ZRANB3: variants seen among roughly 807,000 people sequenced by gnomAD.
ZRANB3 encodes DNA annealing helicase and endonuclease ZRANB3.
ZRANB3 carries 125 observed loss-of-function variants against 133.8 expected under a neutral mutation model. The observed-to-expected ratio is 0.93, with a 90% CI of 0.81 to 1.08. ZRANB3 has a LOEUF of 1.08. ZRANB3 is among the 50% of genes least tolerant of loss of function. The probability of loss-of-function intolerance (pLI) is 0.00; values close to 1 mark genes in which losing one functional copy is unlikely to be tolerated. For synonymous variants in ZRANB3, 387 were observed against 432.7 expected, an observed-to-expected ratio of 0.89 and a Z score of 1.31; for missense variants, 1,229 against 1,275.5, an observed-to-expected ratio of 0.96 and a Z score of 0.56.
At chr2:135,380,390 T>C (rs1364686739) in intron 3 of ZRANB3, among the ~76,000 whole-genome samples, 3 of 152,164 alleles carry the variant, frequency 2.0e-5, no homozygotes, top group African/African-American at 7.2e-5. Flanking sequence ...GCACTTATTC[T>C]AAAATTGACT....
chr2:135,465,714 C>T lies in ZRANB3; in HGVS notation c.161+38615G>A, dbSNP rs377007376. ...GCTTCTGCACAGCGAAAGAAACTAT[C>T]AGCAGAGTGAACAGGCAACCTACAG... On this transcript the variant is annotated intron_variant, in intron 2 of 20. Coordinates refer to ENST00000264159, the MANE Select transcript of ZRANB3 (RefSeq NM_032143.4). Among the ~76,000 whole-genome samples the T allele has an allele frequency of 2.0e-4, 30 of 152,332 alleles. No homozygotes were observed. The East Asian group carries it at 4.6e-3, about 23-fold the overall frequency.
chr2:135,504,945 A>T (rs1356339523), intron 1 of ZRANB3, among the ~76,000 whole-genome samples: 1 of 152,132 alleles, frequency 6.6e-6, no homozygotes, highest in Non-Finnish European at 1.5e-5. Flanking sequence ...ACATTTAAAA[A>T]AATTATAAAA....
intron 12 of ZRANB3, among the ~76,000 whole-genome samples, chr2:135,239,762 G>A (rs1031358113): frequency 1.3e-5 from 2 of 152,116 alleles, no homozygotes; most frequent in African/African-American, 2.4e-5. Context: ...GCTGAGGCGG[G>A]TGGATCACGA....
intron 2 of ZRANB3, among the ~76,000 whole-genome samples, chr2:135,475,997 G>A (rs776497431): frequency 1.3e-5 from 2 of 152,134 alleles, no homozygotes; most frequent in African/African-American, 2.4e-5. Flanking sequence ...AGAATCGTTT[G>A]AACCCGGGAG....
At chr2:135,350,850 C>A (rs1026719636) in intron 4 of ZRANB3, among the ~76,000 whole-genome samples, 10 of 152,294 alleles carry the variant, frequency 6.6e-5, no homozygotes, top group Admixed American at 6.5e-4. Flanking sequence ...ACATCAAGAA[C>A]CATTAAGCTA....
intron 6 of ZRANB3, among the ~76,000 whole-genome samples, chr2:135,337,284 T>C (rs1434603860): frequency 6.6e-6 from 1 of 152,228 alleles, no homozygotes; most frequent in Non-Finnish European, 1.5e-5. Context: ...TTCTTCAGCA[T>C]GCTTGGCACA....
intron 1 of ZRANB3, among the ~76,000 whole-genome samples, chr2:135,515,802 T>C (rs1281954375): frequency 6.6e-6 from 1 of 152,222 alleles, no homozygotes; most frequent in Non-Finnish European, 1.5e-5. Flanking sequence ...TAGGTCTGCT[T>C]GGTCCTGAGC....
chr2:135,393,750 T>C (rs1687350383), intron 2 of ZRANB3, among the ~76,000 whole-genome samples: 1 of 152,150 alleles, frequency 6.6e-6, no homozygotes, highest in East Asian at 1.9e-4. Flanking sequence ...GAAAGAACAA[T>C]TATCCATAAA....
At chr2:135,454,405 ACTCT>A (rs1191432017) in intron 2 of ZRANB3, among the ~76,000 whole-genome samples, 8 of 151,466 alleles carry the variant, frequency 5.3e-5, no homozygotes, top group Admixed American at 2.6e-4. Flanking sequence ...TGGGTCTCTC[ACTCT>A]CTCTCTTTTT....
rs1693492026 is a variant in ZRANB3, at chr2:135,198,463, TAGTC to T, written c.*1875_*1878del. 2 of 152,348 alleles carry T rather than the reference TAGTC, an allele frequency of 1.3e-5. No individual in the cohort carries two copies. The highest frequency in any genetic ancestry group is 6.5e-5 in the Admixed American group (1 of 15,304). 9.4% of individuals were successfully genotyped at this position (152,348 alleles called of 1,614,324 possible). On this transcript the variant is annotated 3_prime_UTR_variant, in exon 21 of 21. Transcript: ENST00000264159. ...CAATGCTCCTTACGGCATTTTTAATTAGTCAGAATTCTGAAACCTGGTATAGACT... is the reference window on the plus strand; with the variant it reads ...CAATGCTCCTTACGGCATTTTTAATTAGAATTCTGAAACCTGGTATAGACT...
chr2:135,387,184 T>C (rs1687022847), intron 3 of ZRANB3, among the ~76,000 whole-genome samples: 1 of 152,024 alleles, frequency 6.6e-6, no homozygotes, highest in Admixed American at 6.6e-5. Flanking sequence ...ATAACACAGA[T>C]GTAAAATTGC....
chr2:135,339,309 G>A lies in ZRANB3; in HGVS notation c.677+6241C>T, dbSNP rs527781082. ...GCCTGTAATCCCAGCTACTTGGGAG[G>A]CTGAGGCAGGAGAATCGCTTGAACC... is the stretch of plus-strand genomic sequence containing the variant. On this transcript the variant is annotated intron_variant, in intron 6 of 20. Transcript: ENST00000264159. Among the ~76,000 whole-genome samples the A allele has an allele frequency of 1.8e-4, 28 of 152,242 alleles. No homozygotes were observed. In the East Asian group the frequency reaches 5.2e-3, roughly 28 times the overall value.
intron 2 of ZRANB3, among the ~76,000 whole-genome samples, chr2:135,407,883 C>A (rs1688115307): frequency 7.1e-6 from 1 of 140,370 alleles, no homozygotes; most frequent in African/African-American, 3.1e-5. Context: ...AGAAGAAAAC[C>A]TAGGCAATAC....
chr2:135,356,696 G>A (rs979125921), intron 3 of ZRANB3, among the ~76,000 whole-genome samples: 2 of 152,080 alleles, frequency 1.3e-5, no homozygotes, highest in Non-Finnish European at 2.9e-5. Flanking sequence ...GTTCTAACAT[G>A]TTAAAAATTC....
At chr2:135,311,743 C>A (rs563660911) in intron 8 of ZRANB3, among the ~76,000 whole-genome samples, 1 of 152,066 alleles carries the variant, frequency 6.6e-6, no homozygotes, top group Admixed American at 6.6e-5. Flanking sequence ...GAGCAAGACT[C>A]TGTCTCTCAA....
intron 13 of ZRANB3, 22 bp from the exon 14 acceptor site, chr2:135,228,037 CAAAA>C: frequency 1.4e-6 from 2 of 1,475,182 alleles, no homozygotes; most frequent in African/African-American, 1.4e-5. Context: ...AAAATTATTA[CAAAA>C]ATGTAATAAT....
chr2:135,376,251 G>A (rs1686424577), intron 3 of ZRANB3, among the ~76,000 whole-genome samples: 1 of 152,194 alleles, frequency 6.6e-6, no homozygotes, highest in Non-Finnish European at 1.5e-5. Context: ...CTCGAGCTAT[G>A]AGAGTAAAAA....
rs558227684 is a variant in ZRANB3, at chr2:135,286,631, G to A, written c.967-10876C>T. ...ATTCTTACAGGAATAAGGTGGTATC[G>A]CACTGTGGTTTTAATTTGCATTTCC... On this transcript the variant is annotated intron_variant, in intron 8 of 20. Transcript: ENST00000264159. Among the ~76,000 whole-genome samples the A allele has an allele frequency of 3.5e-4, 53 of 152,216 alleles. 1 individual carries two copies. The highest frequency in any genetic ancestry group is 1.2e-3 in the African/African-American group (50 of 41,540).
intron 14 of ZRANB3, among the ~76,000 whole-genome samples, chr2:135,226,548 G>A (rs1694767068): frequency 6.6e-6 from 1 of 152,238 alleles, no homozygotes; most frequent in African/African-American, 2.4e-5. Context: ...TGGAGTGAAT[G>A]AGGGCAAAGC....
Sources: allele counts gnomAD v4.1 joint callset (sites outside exome capture counted in the v4.1 genomes callset), GRCh38; gene constraint gnomAD v4.1.1; transcripts MANE v1.5; gene names NCBI Gene and HGNC (gene_info 2026-07-23, HGNC 2026-07-21).